TADA2A: variants seen among roughly 807,000 people sequenced by gnomAD.
TADA2A encodes transcriptional adapter 2-alpha.
A neutral mutation model predicts 67.4 loss-of-function variants in TADA2A; 38 were observed. That is an observed-to-expected ratio of 0.56 (90% confidence interval 0.44 to 0.74). The LOEUF is 0.74. Among genes scored for constraint, TADA2A ranks in the 30% least tolerant of loss-of-function variants. The pLI, the probability that TADA2A is intolerant of heterozygous loss-of-function variation, is 0.00. For synonymous variants in TADA2A, 192 were observed against 181.6 expected (o/e 1.06, Z -0.46); for missense variants, 454 against 547.0 (o/e 0.83, Z 1.70).
At chr17:37,415,427 A>AGT (rs1338103613) in intron 2 of TADA2A, among the ~76,000 whole-genome samples, 4 of 152,266 alleles carry the variant, frequency 2.6e-5, no homozygotes, top group Non-Finnish European at 5.9e-5. Context: ...AGTATTTTGC[A>AGT]ATTACATCTA....
intron 4 of TADA2A, among the ~76,000 whole-genome samples, chr17:37,430,914 T>A (rs913007432): frequency 2.0e-4 from 30 of 152,196 alleles, no homozygotes; most frequent in African/African-American, 7.2e-4. Context: ...TGAGAGTGAT[T>A]ATGAATTTAG....
rs561460982 is a variant in TADA2A, at chr17:37,451,542, G to A, written c.604+6774G>A. Among the ~76,000 whole-genome samples the A allele has an allele frequency of 6.6e-5, 10 of 151,954 alleles. No homozygotes were observed. In the East Asian group the frequency reaches 7.8e-4, roughly 12 times the overall value. ...TCACTATGTTGCCCAGGCTGGTCTC[G>A]AACTCCTAAGCTCAACCCATCTGCC... On this transcript the variant is annotated intron_variant, in intron 8 of 15. Coordinates refer to ENST00000615182, the MANE Select transcript of TADA2A (RefSeq NM_001166105.3).
chr17:37,435,967 A>C (rs2052712964), intron 4 of TADA2A, among the ~76,000 whole-genome samples: 1 of 151,322 alleles, frequency 6.6e-6, no homozygotes, highest in Admixed American at 6.6e-5. Context: ...CCACCCACCC[A>C]GGCCTCCCAA....
intron 12 of TADA2A, among the ~76,000 whole-genome samples, chr17:37,469,715 G>A (rs1161490220): frequency 6.7e-6 from 1 of 149,876 alleles, no homozygotes; most frequent in East Asian, 2.0e-4. Flanking sequence ...GCCGGTATCT[G>A]GCAGTGCCCT....
chr17:37,465,350 A>G, intron 10 of TADA2A, 81 bp from the exon 11 acceptor site: 1 of 1,063,354 alleles, frequency 9.4e-7, no homozygotes, highest in Non-Finnish European at 1.4e-6. Context: ...CCATTTTACT[A>G]ATTGTAAAAA....
intron 2 of TADA2A, among the ~76,000 whole-genome samples, chr17:37,419,345 GT>G (rs372502961): frequency 7.0e-6 from 1 of 142,478 alleles, no homozygotes; most frequent in Non-Finnish European, 1.6e-5. Flanking sequence ...ATTTTGTGGG[GT>G]TTTTTTTTGT....
chr17:37,430,846 G>C (rs1284006700), intron 4 of TADA2A, among the ~76,000 whole-genome samples: 1 of 152,210 alleles, frequency 6.6e-6, no homozygotes, highest in African/African-American at 2.4e-5. Context: ...ACAAATGACA[G>C]TCTCTTCAAC....
At chr17:37,442,198 C>CTTTT (rs760306260) in intron 6 of TADA2A, among the ~76,000 whole-genome samples, 190 of 75,356 alleles carry the variant, frequency 2.5e-3, no homozygotes, top group East Asian at 4.6e-3. Flanking sequence ...TTTTTCCCGT[C>CTTTT]TTTTTTTTTT....
In TADA2A at chr17:37,440,578, A is replaced by G. The variant is rs1194930466; in HGVS notation, c.358A>G (p.Asn120Asp). The change falls in exon 6 of 16, where the codon AAT becomes GAT. Residue 120 changes from asparagine to aspartate, a missense_variant. Asn to Asp is a conservative substitution (Grantham distance 23). Around this residue, in one of 2 missense-constraint regions of TADA2A, gnomAD observed 403 missense variants for 455.5 expected, o/e 0.88. Coordinates refer to ENST00000615182, the MANE Select transcript of TADA2A (RefSeq NM_001166105.3). The stretch of plus-strand genomic sequence containing the variant: ...GAAGCACTATATGAAGCATTTCATC[A>G]ATAACCCTCTGTTTGCATCTACCCT... ...CEKHYMKHFI[N>D]NPLFASTLLN... 2 of 1,614,138 alleles carry G rather than the reference A, an allele frequency of 1.2e-6. No individual in the cohort carries two copies. Among genetic ancestry groups the G allele is most frequent in the Admixed American group, 3.3e-5 (2 of 60,004 alleles).
intron 8 of TADA2A, 43 bp downstream of exon 8, chr17:37,444,811 G>A (rs751790809): frequency 6.5e-7 from 1 of 1,542,372 alleles, no homozygotes; most frequent in Non-Finnish European, 9.0e-7. Flanking sequence ...CGCCAACTGT[G>A]TGATGACACT....
intron 8 of TADA2A, among the ~76,000 whole-genome samples, chr17:37,451,890 A>G (rs147711075): frequency 6.4e-4 from 97 of 152,250 alleles, no homozygotes; most frequent in African/African-American, 2.1e-3. Context: ...AGGCAGGGGC[A>G]GGAGAATTGC....
At chr17:37,457,555 T>TG (rs1045383430) in intron 8 of TADA2A, among the ~76,000 whole-genome samples, 6 of 135,108 alleles carry the variant, frequency 4.4e-5, no homozygotes, top group African/African-American at 1.7e-4. Context: ...TGGAGTGTAG[T>TG]GGCATGATCT....
Position 37,442,582 on chromosome 17 carries a change from G to A in TADA2A, c.461G>A (p.Arg154Gln), listed in dbSNP as rs985453152. 22 of 1,613,256 alleles carry A rather than the reference G, an allele frequency of 1.4e-5. No homozygotes were observed. Among genetic ancestry groups the A allele is most frequent in the Non-Finnish European group, 1.9e-5 (22 of 1,179,868 alleles). ...IPFHSTDDPP[R>Q]PTFDSLLSRD... ...CTTCCAGCTACAGATGACCCTCCCC[G>A]ACCTACCTTTGACTCCTTGCTTTCT... Residue 154 changes from arginine to glutamine, a missense_variant, in exon 7 of 16, where the codon CGA (arginine) becomes CAA (glutamine). By Grantham distance (43) the Arg-to-Gln change is conservative. This residue lies in a region of TADA2A where 403 missense variants were observed against 455.5 expected (regional missense o/e 0.88). Coordinates refer to ENST00000615182, the MANE Select transcript of TADA2A (RefSeq NM_001166105.3).
chr17:37,461,967 G>A, intron 9 of TADA2A, 111 bp from the exon 10 acceptor site: 3 of 866,158 alleles, frequency 3.5e-6, no homozygotes, highest in Non-Finnish European at 3.7e-6. Flanking sequence ...TTGGACCTCT[G>A]TATTGTATTC....
At chr17:37,416,399 T>A (rs982701237) in intron 2 of TADA2A, among the ~76,000 whole-genome samples, 4 of 152,132 alleles carry the variant, frequency 2.6e-5, no homozygotes, top group Admixed American at 1.3e-4. Context: ...TTTAAAGTTG[T>A]TTGCATACTA....
chr17:37,422,479 C>CTGATGATGATGATGATGATGATGA (rs1355232116), intron 2 of TADA2A, among the ~76,000 whole-genome samples: 10 of 76,758 alleles, frequency 1.3e-4, no homozygotes, highest in Non-Finnish European at 2.4e-4. Flanking sequence ...CCATGCCCAG[C>CTGATGATGATGATGATGATGATGA]TGATTATTAT....
At chr17:37,467,803 C>T (rs1316709838) in intron 12 of TADA2A, among the ~76,000 whole-genome samples, 3 of 152,022 alleles carry the variant, frequency 2.0e-5, no homozygotes, top group African/African-American at 4.8e-5. Context: ...AATCTTGGGC[C>T]GGGTGCAGTG....
At chr17:37,462,962 G>C (rs1381042904) in intron 10 of TADA2A, among the ~76,000 whole-genome samples, 1 of 152,076 alleles carries the variant, frequency 6.6e-6, no homozygotes, top group Non-Finnish European at 1.5e-5. Flanking sequence ...TGACCTTACT[G>C]TGGTTTTTTG....
chr17:37,421,784 C>T (rs1253239075), intron 2 of TADA2A, among the ~76,000 whole-genome samples: 3 of 144,022 alleles, frequency 2.1e-5, no homozygotes, highest in Non-Finnish European at 4.6e-5. Context: ...AGAGTGAGAC[C>T]CTATCTCAAA....
Sources: allele counts gnomAD v4.1 joint callset (sites outside exome capture counted in the v4.1 genomes callset), GRCh38; gene constraint gnomAD v4.1.1; regional missense constraint gnomAD v4.1.1; transcripts MANE v1.5; gene names NCBI Gene and HGNC (gene_info 2026-07-23, HGNC 2026-07-21).